RIN3: variants seen among roughly 807,000 people sequenced by gnomAD.
RIN3 encodes Ras and Rab interactor 3.
A neutral mutation model predicts 76.3 loss-of-function variants in RIN3; 54 were observed. The observed-to-expected ratio is 0.71, with a 90% CI of 0.57 to 0.89. The LOEUF is 0.89. Among genes scored for constraint, RIN3 ranks in the 40% least tolerant of loss-of-function variants. The pLI, the probability that RIN3 is intolerant of heterozygous loss-of-function variation, is 0.00. For missense variants in RIN3, 1,256 were observed against 1,322.1 expected (o/e 0.95, Z 0.78); for synonymous variants, 576 against 564.0 (o/e 1.02, Z -0.30).
intron 1 of RIN3, among the ~76,000 whole-genome samples, chr14:92,535,658 C>T (rs1896980455): frequency 7.0e-6 from 1 of 142,710 alleles, no homozygotes; most frequent in South Asian, 2.2e-4. Flanking sequence ...ACACAGTCTA[C>T]CTGGAACAGA....
chr14:92,538,671 C>T (rs1161663355), intron 1 of RIN3, among the ~76,000 whole-genome samples: 4 of 152,144 alleles, frequency 2.6e-5, no homozygotes, highest in Admixed American at 6.5e-5. Flanking sequence ...CGGTCTTAGC[C>T]AGAACAAGAG....
At chr14:92,541,858 G>GA (rs1257890396) in intron 1 of RIN3, among the ~76,000 whole-genome samples, 1 of 152,152 alleles carries the variant, frequency 6.6e-6, no homozygotes, top group Non-Finnish European at 1.5e-5. Flanking sequence ...CATAGAATGG[G>GA]AGAAAATATT....
chr14:92,527,046 C>CT (rs1215618245), intron 1 of RIN3, among the ~76,000 whole-genome samples: 12,203 of 109,978 alleles, frequency 0.11, 1,368 homozygotes, highest in African/African-American at 0.21. Context: ...TTCTCCCCAT[C>CT]TTTTTTTTTT....
chr14:92,534,742 C>A (rs1182061806), intron 1 of RIN3, among the ~76,000 whole-genome samples: 1 of 152,022 alleles, frequency 6.6e-6, no homozygotes, highest in Non-Finnish European at 1.5e-5. Context: ...CTGGTCTTCT[C>A]AAATCCCTAC....
intron 6 of RIN3, among the ~76,000 whole-genome samples, chr14:92,653,601 C>A (rs893468541): frequency 6.6e-6 from 1 of 152,204 alleles, no homozygotes; most frequent in Non-Finnish European, 1.5e-5. Flanking sequence ...TCTGACCACC[C>A]CTTCTAAAGT....
At chr14:92,599,232 GC>G (rs1232991464) in intron 3 of RIN3, among the ~76,000 whole-genome samples, 1 of 144,484 alleles carries the variant, frequency 6.9e-6, no homozygotes, top group Non-Finnish European at 1.5e-5. Flanking sequence ...CTAAACAGAA[GC>G]CCCCCGCCCT....
chr14:92,604,651 C>T, intron 3 of RIN3, among the ~76,000 whole-genome samples: 1 of 152,102 alleles, frequency 6.6e-6, no homozygotes, highest in East Asian at 1.9e-4. Context: ...TGTAATCCAT[C>T]CAGTGCTCAT....
At chr14:92,546,776 T>A (rs1227587408) in intron 1 of RIN3, among the ~76,000 whole-genome samples, 1 of 151,416 alleles carries the variant, frequency 6.6e-6, no homozygotes, top group Non-Finnish European at 1.5e-5. Context: ...GCAGTTGGGG[T>A]GAGTAGGGCC....
At chr14:92,658,212 C>T (rs750709598) in intron 6 of RIN3, among the ~76,000 whole-genome samples, 18 of 152,188 alleles carry the variant, frequency 1.2e-4, no homozygotes, top group Non-Finnish European at 1.9e-4. Context: ...AAGATCAGAG[C>T]GCCAACTCCT....
Position 92,685,000 on chromosome 14 carries a change from G to GCGTGGTTCCT in RIN3, c.2481_2482insCGTGGTTCCT (p.Thr828ArgfsTer239). On this transcript the variant is annotated frameshift_variant, in exon 9 of 10. Coordinates refer to ENST00000216487, the MANE Select transcript of RIN3 (RefSeq NM_024832.5). LOFTEE classifies it high-confidence loss of function. ...TTGTCCACGCAGGTTCCTACTATCT[G>GCGTGGTTCCT]ACCACCACCTACGGGGCCCTGGAGC... The GCGTGGTTCCT allele has an allele frequency of 6.2e-7, 1 of 1,613,268 alleles. No individual in the cohort carries two copies. Among genetic ancestry groups the GCGTGGTTCCT allele is most frequent in the Non-Finnish European group, 8.5e-7 (1 of 1,179,340 alleles).
chr14:92,596,613 G>A (rs1345008023), intron 3 of RIN3, among the ~76,000 whole-genome samples: 8 of 152,172 alleles, frequency 5.3e-5, no homozygotes, highest in Non-Finnish European at 1.2e-4. Context: ...TATCTTATCC[G>A]TTCCTCTTTT....
intron 3 of RIN3, among the ~76,000 whole-genome samples, chr14:92,613,304 C>G (rs955875640): frequency 6.6e-6 from 1 of 152,140 alleles, no homozygotes; most frequent in Non-Finnish European, 1.5e-5. Flanking sequence ...CTGGGACGCT[C>G]GGGGCATCCT....
chr14:92,638,613 C>T (rs578100581), intron 4 of RIN3, among the ~76,000 whole-genome samples: 16 of 152,294 alleles, frequency 1.1e-4, no homozygotes, highest in East Asian at 9.6e-4. Context: ...CAGGCCACCA[C>T]GTAACTGAAG....
At chr14:92,671,333 A>G (rs142037901) in intron 7 of RIN3, among the ~76,000 whole-genome samples, 1,895 of 152,038 alleles carry the variant, frequency 0.012, 38 homozygotes, top group African/African-American at 0.044. Context: ...GAGGGGGGGA[A>G]CTGCGTGTGC....
Position 92,514,010 on chromosome 14 carries a change from G to A in RIN3, c.44+34G>A. The A allele has an allele frequency of 8.2e-7, 1 of 1,219,346 alleles. No individual in the cohort carries two copies. Among genetic ancestry groups the A allele is most frequent in the Non-Finnish European group, 1.0e-6 (1 of 974,828 alleles). 75.5% of individuals were successfully genotyped at this position (1,219,346 alleles called of 1,614,324 possible). On this transcript the variant is annotated intron_variant, in intron 1 of 9. Transcript: ENST00000216487. The surrounding 1 kb of genome is among the most constrained non-coding windows in gnomAD (Gnocchi z 7.2). Reference sequence around the variant, plus strand: ...GGGCGGCCGCCCCCTCCTCCCTCGCGATCCCCACGGCCCGCGTCCTGGCCG... The same window carrying A: ...GGGCGGCCGCCCCCTCCTCCCTCGCAATCCCCACGGCCCGCGTCCTGGCCG...
chr14:92,634,070 T>C (rs1264315740), intron 4 of RIN3, among the ~76,000 whole-genome samples: 7 of 2,664 alleles, frequency 2.6e-3, no homozygotes, highest in South Asian at 0.019. Flanking sequence ...AAAAATCCCT[T>C]TTTTTTTTTT....
chr14:92,687,203 C>A (rs1442347087), intron 9 of RIN3: 1 of 152,276 alleles, frequency 6.6e-6, no homozygotes. Context: ...ACAGCCGGGG[C>A]TCGACGAATC....
At chr14:92,616,196 C>T (rs1885958920) in intron 4 of RIN3, among the ~76,000 whole-genome samples, 1 of 152,122 alleles carries the variant, frequency 6.6e-6, no homozygotes, top group Non-Finnish European at 1.5e-5. Flanking sequence ...TGTCCGGGTT[C>T]TTGGTGTCTT....
At position 92,555,823 on chromosome 14, in the gene RIN3, C is replaced by T. The variant is rs1161674672; in HGVS notation, c.117C>T (p.Asn39=). ...GCATGCGGCTTTGTCTGCCAGCCAA[C>T]CCGAAAAACTGCCTTCCTCACCGCC... is the stretch of plus-strand genomic sequence containing the variant. ...EDGMRLCLPA[N]PKNCLPHRRG... Residue 39 remains asparagine (N), a synonymous_variant, in exon 2 of 10, where the codon AAC becomes AAT. Transcript: ENST00000216487. 6.2e-7 allele frequency: 1 copy of T among 1,614,044 alleles called. No homozygotes were observed. Among genetic ancestry groups the T allele is most frequent in the African/African-American group, 1.3e-5 (1 of 74,918 alleles).
Sources: allele counts gnomAD v4.1 joint callset (sites outside exome capture counted in the v4.1 genomes callset), GRCh38; gene constraint gnomAD v4.1.1; non-coding constraint Gnocchi (gnomAD v3.1); transcripts MANE v1.5; gene names NCBI Gene and HGNC (gene_info 2026-07-23, HGNC 2026-07-21).